The following MAF variants were observed in gnomAD, a reference collection of about 807,000 sequenced individuals.
MAF encodes the protein transcription factor Maf.
A neutral mutation model predicts 22.0 loss-of-function variants in MAF; 10 were observed. That is an observed-to-expected ratio of 0.45 (90% CI 0.28 to 0.77). The LOEUF is 0.77. Ranked by LOEUF, MAF falls within the 30% of genes least tolerant of loss-of-function variation. The pLI, the probability that MAF is intolerant of heterozygous loss-of-function variation, is 0.12. For synonymous variants in MAF, 337 were observed against 255.8 expected, an observed-to-expected ratio of 1.32 and a Z score of -3.03; for missense variants, 544 against 548.4, an observed-to-expected ratio of 0.99 and a Z score of 0.08.
the MAF span, among the ~76,000 whole-genome samples, chr16:79,341,254 C>G: frequency 0.8 from 121,532 of 152,120 alleles, 51,263 homozygotes; most frequent in Non-Finnish European, 0.94. Flanking sequence ...GAGCCAGATG[C>G]CCTGTACCTC....
chr16:79,392,420 G>A, the MAF span, among the ~76,000 whole-genome samples: 17 of 149,306 alleles, frequency 1.1e-4, no homozygotes, highest in South Asian at 3.7e-3. Context: ...AGAAGAAAAA[G>A]GAGAGGAGAA....
the MAF span, among the ~76,000 whole-genome samples, chr16:79,252,171 T>A: frequency 6.6e-6 from 1 of 152,248 alleles, no homozygotes; most frequent in Non-Finnish European, 1.5e-5. Flanking sequence ...TTATAAATGT[T>A]GTAGGCTTTG....
the MAF span, among the ~76,000 whole-genome samples, chr16:79,500,623 A>C: frequency 0.018 from 2,726 of 152,252 alleles, 74 homozygotes; most frequent in African/African-American, 0.058. Context: ...GAAAAAGTAC[A>C]CAAAGTTCTG....
At chr16:79,371,972 CCA>C in the MAF span, among the ~76,000 whole-genome samples, 7 of 151,846 alleles carry the variant, frequency 4.6e-5, no homozygotes, top group Admixed American at 1.3e-4. Context: ...TAAAGTGTGG[CCA>C]TGAAAAAGAA....
the MAF span, among the ~76,000 whole-genome samples, chr16:79,580,649 A>C: frequency 6.6e-5 from 10 of 152,074 alleles, no homozygotes; most frequent in East Asian, 3.9e-4. Flanking sequence ...CCCCAGCTCC[A>C]CGGCTTAGAG....
At chr16:79,530,844 G>A in the MAF span, among the ~76,000 whole-genome samples, 1 of 152,154 alleles carries the variant, frequency 6.6e-6, no homozygotes, top group East Asian at 1.9e-4. Flanking sequence ...CAGGTCTATG[G>A]GTGGAAGGAA....
At chr16:79,267,485 G>T in the MAF span, among the ~76,000 whole-genome samples, 1 of 152,202 alleles carries the variant, frequency 6.6e-6, no homozygotes, top group Admixed American at 6.5e-5. Flanking sequence ...AATCCCCTTT[G>T]CCCGCTGCTG....
chr16:79,309,994 G>A, the MAF span, among the ~76,000 whole-genome samples: 1 of 152,242 alleles, frequency 6.6e-6, no homozygotes, highest in East Asian at 1.9e-4. Flanking sequence ...TGGCTTAAAG[G>A]GCATTATCCA....
chr16:79,381,771 C>T, the MAF span, among the ~76,000 whole-genome samples: 1 of 152,182 alleles, frequency 6.6e-6, no homozygotes, highest in Non-Finnish European at 1.5e-5. Flanking sequence ...TTTGCTTTGA[C>T]AAAGACGGAG....
the MAF span, among the ~76,000 whole-genome samples, chr16:79,529,402 A>C: frequency 1.6e-4 from 24 of 152,178 alleles, no homozygotes; most frequent in Non-Finnish European, 2.8e-4. Flanking sequence ...AATTAAAGGA[A>C]CACATCCGCC....
the MAF span, among the ~76,000 whole-genome samples, chr16:79,285,411 C>T: frequency 3.9e-4 from 60 of 152,112 alleles, no homozygotes; most frequent in African/African-American, 1.3e-3. Flanking sequence ...GGATTAGGGA[C>T]GAGAATGCCT....
At chr16:79,359,556 C>A in the MAF span, among the ~76,000 whole-genome samples, 1 of 152,164 alleles carries the variant, frequency 6.6e-6, no homozygotes. Context: ...AGGGACAAAG[C>A]CAGCCCCAAT....
At chr16:79,344,366 T>G in the MAF span, among the ~76,000 whole-genome samples, 1 of 152,208 alleles carries the variant, frequency 6.6e-6, no homozygotes, top group Non-Finnish European at 1.5e-5. Flanking sequence ...CATATCCAAG[T>G]CTGGTGGGTA....
the MAF span, among the ~76,000 whole-genome samples, chr16:79,493,035 T>C: frequency 6.6e-6 from 1 of 152,010 alleles, no homozygotes; most frequent in East Asian, 1.9e-4. Flanking sequence ...CTCAGCTCAC[T>C]GCAACCTCAT....
At chr16:79,275,959 GT>G in the MAF span, among the ~76,000 whole-genome samples, 1 of 152,094 alleles carries the variant, frequency 6.6e-6, no homozygotes, top group Non-Finnish European at 1.5e-5. Flanking sequence ...GGCTAACACG[GT>G]GAAATCCTGT....
chr16:79,331,559 C>G, the MAF span, among the ~76,000 whole-genome samples: 4 of 152,196 alleles, frequency 2.6e-5, no homozygotes, highest in African/African-American at 9.6e-5. Flanking sequence ...GCTCTTCTTA[C>G]ACGAGCCACC....
chr16:79,534,681 A>G, the MAF span, among the ~76,000 whole-genome samples: 6 of 152,182 alleles, frequency 3.9e-5, no homozygotes, highest in African/African-American at 9.7e-5. Context: ...GCACATGTAT[A>G]CATATGTAAC....
chr16:79,563,023 C>T, the MAF span, among the ~76,000 whole-genome samples: 3 of 152,296 alleles, frequency 2.0e-5, no homozygotes, highest in East Asian at 3.9e-4. Flanking sequence ...TCCATTCATC[C>T]GTTCAGCAAA....
chr16:79,261,735 G>C, the MAF span, among the ~76,000 whole-genome samples: 1 of 152,194 alleles, frequency 6.6e-6, no homozygotes, highest in Admixed American at 6.5e-5. Flanking sequence ...TTCAAAGAAT[G>C]AGAAGTTCCT....
Sources: allele counts gnomAD v4.1 joint callset (sites outside exome capture counted in the v4.1 genomes callset), GRCh38; gene constraint gnomAD v4.1.1; transcripts MANE v1.5; gene names NCBI Gene and HGNC (gene_info 2026-07-23, HGNC 2026-07-21).